Variants in SLC26A8 observed in about 807,000 individuals in gnomAD.
SLC26A8 encodes the protein testis anion transporter 1.
Under a neutral mutation model 105.0 loss-of-function variants are expected in SLC26A8, and 70 were observed. The observed-to-expected ratio is 0.67, with a 90% CI of 0.55 to 0.81. SLC26A8 has a LOEUF of 0.81. Among genes scored for constraint, SLC26A8 ranks in the 40% least tolerant of loss-of-function variants. The pLI is 0.00. For missense variants in SLC26A8, 998 were observed against 1,181.8 expected, an observed-to-expected ratio of 0.84 and a Z score of 2.28; for synonymous variants, 415 against 438.3, an observed-to-expected ratio of 0.95 and a Z score of 0.66.
At chr6:35,987,294 A>G (rs975661973) in intron 7 of SLC26A8, among the ~76,000 whole-genome samples, 1 of 152,212 alleles carries the variant, frequency 6.6e-6, no homozygotes, top group Non-Finnish European at 1.5e-5. Context: ...CACAAAGTCC[A>G]TGGTGGGTTG....
In SLC26A8 at chr6:35,970,310, G is replaced by A. The variant is rs557221751; in HGVS notation, c.1288-1356C>T. 3.7e-4 allele frequency among the ~76,000 whole-genome samples: 57 copies of A among 152,224 alleles called. No individual in the cohort carries two copies. The East Asian group carries it at 7.5e-3, about 20-fold the overall frequency. On this transcript the variant is annotated intron_variant, in intron 10 of 19. Coordinates refer to ENST00000490799, the MANE Select transcript of SLC26A8 (RefSeq NM_052961.4). ...CTATTTGCCTTATAAATGTATTGCCGAAAATAATAGCAATGCAATCAACGT... is the reference window on the plus strand; with the variant it reads ...CTATTTGCCTTATAAATGTATTGCCAAAAATAATAGCAATGCAATCAACGT...
intron 7 of SLC26A8, among the ~76,000 whole-genome samples, chr6:35,987,603 C>T (rs995874174): frequency 2.0e-5 from 3 of 152,132 alleles, no homozygotes; most frequent in Non-Finnish European, 4.4e-5. Flanking sequence ...AATCTCCTGA[C>T]CTCGTGATCC....
At chr6:35,949,301 G>A (rs1343950326) in intron 19 of SLC26A8, among the ~76,000 whole-genome samples, 3 of 151,914 alleles carry the variant, frequency 2.0e-5, no homozygotes, top group Admixed American at 6.6e-5. Flanking sequence ...GTGTGGTGGC[G>A]GGCGCCTGTA....
At chr6:36,015,495 G>A (rs1761971545) in intron 2 of SLC26A8, among the ~76,000 whole-genome samples, 2 of 152,184 alleles carry the variant, frequency 1.3e-5, no homozygotes, top group Admixed American at 6.5e-5. Context: ...TAGAAGTAGG[G>A]AGTAACAGTT....
intron 1 of SLC26A8, among the ~76,000 whole-genome samples, chr6:36,024,045 C>T (rs9380542): frequency 0.31 from 46,069 of 147,142 alleles, 7,707 homozygotes; most frequent in East Asian, 0.66. Context: ...GACACATCAA[C>T]GGCATTTGAC....
At chr6:35,977,930 T>TA (rs945895046) in intron 8 of SLC26A8, among the ~76,000 whole-genome samples, 19 of 151,380 alleles carry the variant, frequency 1.3e-4, no homozygotes, top group Non-Finnish European at 2.5e-4. Context: ...ACTAAAAATA[T>TA]AAAAAATTAG....
intron 16 of SLC26A8, among the ~76,000 whole-genome samples, chr6:35,958,298 G>A (rs192467091): frequency 4.6e-5 from 7 of 152,118 alleles, no homozygotes; most frequent in African/African-American, 7.2e-5. Context: ...TCTTGAGTTC[G>A]AGACCAGCCT....
chr6:35,990,971 T>G (rs980435771), intron 7 of SLC26A8, among the ~76,000 whole-genome samples: 4 of 152,204 alleles, frequency 2.6e-5, no homozygotes, highest in African/African-American at 9.6e-5. Flanking sequence ...GAATAAGCAT[T>G]GTGTGAGGGA....
chr6:36,024,294 T>C (rs1762203656), intron 1 of SLC26A8: 1 of 353,442 alleles, frequency 2.8e-6, no homozygotes. Context: ...CTCTTGTCAT[T>C]GCCATCCACA....
rs1030086764 is a variant in SLC26A8 at position 35,981,095 on chromosome 6, G to A, written c.1025+1026C>T. On this transcript the variant is annotated intron_variant, in intron 8 of 19. Transcript: ENST00000490799. The surrounding 1 kb of genome is among the most constrained non-coding windows in gnomAD (Gnocchi z 4.0). ...TTTACAGGATTCCTTATTATACAAC[G>A]TGAGGAAATGGGCAATGCTCTTCAA... Among the ~76,000 whole-genome samples, 1 of 152,046 alleles carries A rather than the reference G, an allele frequency of 6.6e-6. No homozygotes were observed. The highest frequency in any genetic ancestry group is 2.1e-4 in the South Asian group (1 of 4,828).
At chr6:35,980,451 AG>A (rs1370082835) in intron 8 of SLC26A8, among the ~76,000 whole-genome samples, 2 of 152,236 alleles carry the variant, frequency 1.3e-5, no homozygotes, top group Non-Finnish European at 2.9e-5. Flanking sequence ...AGCGTAAAAA[AG>A]AAGACAATAT....
intron 7 of SLC26A8, among the ~76,000 whole-genome samples, chr6:35,990,840 T>G: frequency 6.6e-6 from 1 of 152,292 alleles, no homozygotes; most frequent in East Asian, 1.9e-4. Flanking sequence ...CCTCAACCAC[T>G]TTTTTAAACT....
intron 4 of SLC26A8, 122 bp downstream of exon 4, chr6:35,999,870 A>G: frequency 1.5e-6 from 1 of 658,500 alleles, no homozygotes; most frequent in Non-Finnish European, 2.7e-6. Flanking sequence ...GTATGGATAG[A>G]ATGTCCACCT....
intron 16 of SLC26A8, among the ~76,000 whole-genome samples, chr6:35,957,897 C>T (rs542441068): frequency 7.2e-5 from 11 of 152,186 alleles, no homozygotes; most frequent in South Asian, 2.1e-4. Context: ...TAAGCCACTG[C>T]GCCTGGCCAT....
chr6:36,002,042 T>C (rs1450191649), intron 3 of SLC26A8, among the ~76,000 whole-genome samples: 1 of 152,248 alleles, frequency 6.6e-6, no homozygotes, highest in Non-Finnish European at 1.5e-5. Flanking sequence ...CTCACATTGG[T>C]TGATATGTCT....
intron 19 of SLC26A8, among the ~76,000 whole-genome samples, chr6:35,948,149 G>A (rs1225275409): frequency 2.0e-5 from 3 of 152,136 alleles, no homozygotes; most frequent in Non-Finnish European, 4.4e-5. Context: ...ATTTGTTTTT[G>A]TGGGGTGGGG....
At chr6:35,950,039 C>T (rs1420537486) in intron 19 of SLC26A8, among the ~76,000 whole-genome samples, 2 of 152,030 alleles carry the variant, frequency 1.3e-5, no homozygotes, top group East Asian at 1.9e-4. Flanking sequence ...CCTAGTGATT[C>T]GCCTGCCTTG....
rs774689295 is a variant in SLC26A8 at position 35,955,170 on chromosome 6, C to T, written c.2214G>A (p.Gly738=). Residue 738 remains glycine, a synonymous_variant, in exon 17 of 20, where the codon GGG becomes GGA. Coordinates refer to ENST00000490799, the MANE Select transcript of SLC26A8 (RefSeq NM_052961.4). ...TACTTACCTGTCTTAATACGACTAA[C>T]CCCCGTGAATCCACGTAGTGTACCA... ...FSMVHYVDSR[G]LVVLRQICNA... is the part of the protein sequence containing the mutation. The T allele has an allele frequency of 6.2e-7, 1 of 1,613,966 alleles. No homozygotes were observed. The highest frequency in any genetic ancestry group is 8.5e-7 in the Non-Finnish European group (1 of 1,180,032).
In SLC26A8 at chr6:36,005,851, GA is replaced by G. The variant is rs576415884; in HGVS notation, c.329-5744del. 5.2e-3 allele frequency among the ~76,000 whole-genome samples: 792 copies of G among 152,306 alleles called. 2 individuals are homozygous for G. The highest frequency in any genetic ancestry group is 9.4e-3 in the Non-Finnish European group (637 of 68,006). ...ACAATTATTACTGTAGTGTTTTCATGAAGGTGATTTTGTATTTTCTTCTTTA... is the reference window on the plus strand; with the variant it reads ...ACAATTATTACTGTAGTGTTTTCATGAGGTGATTTTGTATTTTCTTCTTTA... On this transcript the variant is annotated intron_variant, in intron 3 of 19. Coordinates refer to ENST00000490799, the MANE Select transcript of SLC26A8 (RefSeq NM_052961.4).
Sources: allele counts gnomAD v4.1 joint callset (sites outside exome capture counted in the v4.1 genomes callset), GRCh38; gene constraint gnomAD v4.1.1; non-coding constraint Gnocchi (gnomAD v3.1); transcripts MANE v1.5; gene names NCBI Gene and HGNC (gene_info 2026-07-23, HGNC 2026-07-21).